The following UNC79 variants were observed in gnomAD, a reference collection of about 807,000 sequenced individuals.
UNC79 encodes the protein unc-79 subunit of NALCN channel complex, also known as protein unc-79 homolog.
Under a neutral mutation model 283.1 loss-of-function variants are expected in UNC79, and 37 were observed. The observed-to-expected ratio is 0.13, with a 90% confidence interval of 0.10 to 0.17. The LOEUF is 0.17. Among genes scored for constraint, UNC79 ranks in the 10% least tolerant of loss-of-function variants. The probability of loss-of-function intolerance (pLI) is 1.00; values close to 1 mark genes in which losing one functional copy is unlikely to be tolerated. For missense variants in UNC79, 2,272 were observed against 3,211.1 expected (o/e 0.71, Z 7.07); for synonymous variants, 1,107 against 1,200.2 (o/e 0.92, Z 1.61).
At chr14:93,524,113 T>C (rs1253978215) in intron 8 of UNC79, 71 bp downstream of exon 8, 3 of 1,529,160 alleles carry the variant, frequency 2.0e-6, no homozygotes, top group Non-Finnish European at 2.7e-6. Context: ...GTGGAGTAGA[T>C]TGCATCCTTC....
intron 12 of UNC79, among the ~76,000 whole-genome samples, chr14:93,539,063 C>T (rs1363842947): frequency 3.3e-5 from 5 of 150,670 alleles, no homozygotes; most frequent in Non-Finnish European, 5.9e-5. Context: ...CCCCCACGCC[C>T]GGCTAATTTT....
exon 40 of UNC79, chr14:93,662,667 G>T (rs1444049195): frequency 6.2e-7 from 1 of 1,612,102 alleles, no homozygotes; most frequent in Non-Finnish European, 8.5e-7. Context: ...CTTCACTCTG[G>T]CCTACCTGGT....
At chr14:93,674,275 CA>C (rs937703093) in intron 41 of UNC79, among the ~76,000 whole-genome samples, 14 of 152,150 alleles carry the variant, frequency 9.2e-5, no homozygotes, top group Non-Finnish European at 1.8e-4. Context: ...AGGGTACAGA[CA>C]AATGTCTTTG....
chr14:93,523,877 A>G (rs1275920364), intron 7 of UNC79, 101 bp from the exon 8 acceptor site: 5 of 1,224,830 alleles, frequency 4.1e-6, no homozygotes, highest in Non-Finnish European at 5.8e-6. Context: ...CTTTCTGATG[A>G]TGGTTCTGTT....
chr14:93,556,400 TA>T (rs1290690186), intron 14 of UNC79, among the ~76,000 whole-genome samples: 1 of 152,182 alleles, frequency 6.6e-6, no homozygotes, highest in East Asian at 1.9e-4. Context: ...CATTTCTAAG[TA>T]ATGCAAAATA....
chr14:93,642,715 C>G (rs985816665), intron 33 of UNC79, among the ~76,000 whole-genome samples: 10 of 152,136 alleles, frequency 6.6e-5, no homozygotes, highest in African/African-American at 2.2e-4. Context: ...AAATGTGAAT[C>G]CTGTATTTTA....
At chr14:93,560,700 C>T (rs1470768981) in intron 14 of UNC79, among the ~76,000 whole-genome samples, 1 of 151,848 alleles carries the variant, frequency 6.6e-6, no homozygotes, top group Non-Finnish European at 1.5e-5. Context: ...ATGTGCCTGT[C>T]CAATTAGCAG....
At chr14:93,475,137 A>G (rs1300175792) in intron 3 of UNC79, among the ~76,000 whole-genome samples, 1 of 152,162 alleles carries the variant, frequency 6.6e-6, no homozygotes, top group Non-Finnish European at 1.5e-5. Context: ...TTGCTTACCA[A>G]ATTCTCCTAA....
intron 41 of UNC79, among the ~76,000 whole-genome samples, chr14:93,679,207 TC>T (rs1206827417): frequency 2.0e-5 from 3 of 152,192 alleles, no homozygotes; most frequent in African/African-American, 7.2e-5. Context: ...ACGCCTGTAA[TC>T]CCAACACTTT....
chr14:93,532,665 C>G, intron 11 of UNC79, 87 bp downstream of exon 11: 1 of 1,547,334 alleles, frequency 6.5e-7, no homozygotes, highest in Non-Finnish European at 8.9e-7. Flanking sequence ...CATTTCTGCA[C>G]CGTGGTTTCC....
chr14:93,462,124 T>C (rs112850158), intron 1 of UNC79, among the ~76,000 whole-genome samples: 13,965 of 152,134 alleles, frequency 0.092, 706 homozygotes, highest in Middle Eastern at 0.19. Context: ...CTGGCCAACA[T>C]GGTGAAACCC....
exon 43 of UNC79, chr14:93,686,608 A>G: frequency 1.9e-6 from 3 of 1,614,190 alleles, no homozygotes; most frequent in Non-Finnish European, 2.5e-6. Flanking sequence ...GAGGCAGTAC[A>G]TCAACGAAGT....
intron 1 of UNC79, among the ~76,000 whole-genome samples, chr14:93,354,683 G>T (rs552518142): frequency 6.6e-6 from 1 of 151,902 alleles, no homozygotes; most frequent in South Asian, 2.1e-4. Context: ...CTTTTTTTTT[G>T]TAGGGACGGG....
At chr14:93,540,783 T>C (rs1470480425) in exon 13 of UNC79, 2 of 1,613,504 alleles carry the variant, frequency 1.2e-6, no homozygotes, top group Non-Finnish European at 1.7e-6. Context: ...ACAAGGACGA[T>C]GATAAACACG....
At chr14:93,680,057 A>G (rs1286319847) in intron 41 of UNC79, among the ~76,000 whole-genome samples, 1 of 152,230 alleles carries the variant, frequency 6.6e-6, no homozygotes, top group Non-Finnish European at 1.5e-5. Flanking sequence ...TCTGAGGCTT[A>G]TGCACTTTTA....
At chr14:93,655,382 A>T in exon 38 of UNC79, 1 of 1,614,112 alleles carries the variant, frequency 6.2e-7, no homozygotes, top group South Asian at 1.1e-5. Flanking sequence ...TTTTTTGCCA[A>T]GCTGCCTTGT....
At chr14:93,645,169 C>G (rs1489390022) in intron 34 of UNC79, among the ~76,000 whole-genome samples, 1 of 152,156 alleles carries the variant, frequency 6.6e-6, no homozygotes, top group Non-Finnish European at 1.5e-5. Context: ...AACAGATGAT[C>G]TAAGTTGTCA....
Position 93,598,365 on chromosome 14 carries a change from CGTGTGTGTGTGTGTGT to C in UNC79, c.3372+855_3372+870del, listed in dbSNP as rs71301930. 2.3e-4 allele frequency among the ~76,000 whole-genome samples: 15 copies of C among 64,086 alleles called. No individual in the cohort carries two copies. The East Asian group carries it at 2.7e-3, about 11-fold the overall frequency. The allele number at this position is 64,086 out of a possible 152,430, so 42.0% of individuals were successfully genotyped here. ...TTGGACAGATGTAATTATTGCATAACGTGTGTGTGTGTGTGTGTGTGTGTGTGTGTGTGTGTGTGTG... is the reference window on the plus strand; with the variant it reads ...TTGGACAGATGTAATTATTGCATAACGTGTGTGTGTGTGTGTGTGTGTGTG... On this transcript the variant is annotated intron_variant, in intron 24 of 48. Coordinates refer to ENST00000555664, the Ensembl canonical transcript of UNC79.
chr14:93,588,765 A>AAAAG (rs2064416247), intron 22 of UNC79, among the ~76,000 whole-genome samples: 5 of 150,754 alleles, frequency 3.3e-5, no homozygotes, highest in African/African-American at 9.8e-5. Flanking sequence ...AAAAAAAAAA[A>AAAAG]AGAGAGAGAA....
Sources: allele counts gnomAD v4.1 joint callset (sites outside exome capture counted in the v4.1 genomes callset), GRCh38; gene constraint gnomAD v4.1.1; transcripts MANE v1.5; gene names NCBI Gene and HGNC (gene_info 2026-07-23, HGNC 2026-07-21).